The following UNC13C variants were observed in gnomAD, a reference collection of about 807,000 sequenced individuals.
UNC13C encodes unc-13 homolog C, also known as protein unc-13 homolog C.
A neutral mutation model predicts 245.4 loss-of-function variants in UNC13C; 174 were observed. That is an observed-to-expected ratio of 0.71 (90% confidence interval 0.63 to 0.80). The LOEUF (loss-of-function observed/expected upper bound fraction) is 0.80, where lower values mean the gene tolerates loss of function less well. Among genes scored for constraint, UNC13C ranks in the 30% least tolerant of loss-of-function variants. The pLI is 0.00. For synonymous variants in UNC13C, 992 were observed against 895.1 expected (o/e 1.11, Z -1.93); for missense variants, 2,829 against 2,602.9 (o/e 1.09, Z -1.89).
At chr15:53,917,367 C>T in the UNC13C span, among the ~76,000 whole-genome samples, 29,349 of 151,974 alleles carry the variant, frequency 0.19, 2,955 homozygotes, top group Middle Eastern at 0.25. Flanking sequence ...GAAACCTGAA[C>T]AAAGTGAGAA....
At chr15:53,912,603 A>T in the UNC13C span, 1 of 152,092 alleles carries the variant, frequency 6.6e-6, no homozygotes, top group Non-Finnish European at 1.5e-5. Context: ...CTGGGGGTGG[A>T]CATTTTGCAT....
At chr15:54,304,510 A>G (rs1005126255) in intron 13 of UNC13C, among the ~76,000 whole-genome samples, 5 of 151,962 alleles carry the variant, frequency 3.3e-5, no homozygotes, top group African/African-American at 1.2e-4. Context: ...TTCTGCCTCT[A>G]TCGCCCTGAC....
chr15:54,181,354 C>T (rs576448038), intron 4 of UNC13C, among the ~76,000 whole-genome samples: 110 of 152,080 alleles, frequency 7.2e-4, no homozygotes, highest in African/African-American at 2.5e-3. Context: ...TTCCATTGGT[C>T]TATATGTCTG....
intron 18 of UNC13C, 33 bp from the exon 19 acceptor site, chr15:54,414,949 C>T (rs1459900356): frequency 6.4e-7 from 1 of 1,560,780 alleles, no homozygotes; most frequent in Non-Finnish European, 8.7e-7. Flanking sequence ...TGCTTTTCTT[C>T]TTCATACACT....
At chr15:54,038,116 A>ATTTT (rs1315947594) in intron 2 of UNC13C, among the ~76,000 whole-genome samples, 17 of 22,576 alleles carry the variant, frequency 7.5e-4, no homozygotes, top group African/African-American at 9.3e-4. Flanking sequence ...ATATATATAT[A>ATTTT]TATATATATT....
intron 4 of UNC13C, among the ~76,000 whole-genome samples, chr15:54,166,557 G>T (rs1244752447): frequency 6.6e-6 from 1 of 152,066 alleles, no homozygotes; most frequent in African/African-American, 2.4e-5. Context: ...TGGAAAGGAA[G>T]AAACAGAGCT....
At chr15:54,067,178 G>A (rs1213784879) in intron 2 of UNC13C, among the ~76,000 whole-genome samples, 3 of 152,026 alleles carry the variant, frequency 2.0e-5, no homozygotes, top group Admixed American at 6.6e-5. Flanking sequence ...TCCTGAAAGC[G>A]AAGTTGCCTC....
chr15:54,503,932 A>G (rs1163650743), intron 22 of UNC13C, among the ~76,000 whole-genome samples: 2 of 152,136 alleles, frequency 1.3e-5, no homozygotes, highest in African/African-American at 4.8e-5. Context: ...TTGTATCTGT[A>G]GAGATTTAAA....
chr15:54,375,455 A>G (rs2039585273), intron 17 of UNC13C, among the ~76,000 whole-genome samples: 1 of 152,226 alleles, frequency 6.6e-6, no homozygotes, highest in Non-Finnish European at 1.5e-5. Flanking sequence ...TAGCCAACGG[A>G]GTACGGCAAA....
chr15:54,172,114 G>C (rs1449317310), intron 4 of UNC13C, among the ~76,000 whole-genome samples: 1 of 152,088 alleles, frequency 6.6e-6, no homozygotes, highest in Non-Finnish European at 1.5e-5. Context: ...GCTGGGAAGG[G>C]TAGTGGTGGG....
chr15:54,272,374 T>G (rs900033416), intron 10 of UNC13C, among the ~76,000 whole-genome samples: 1 of 151,622 alleles, frequency 6.6e-6, no homozygotes, highest in Non-Finnish European at 1.5e-5. Context: ...TTAAAATATT[T>G]TGATAGCACA....
intron 2 of UNC13C, among the ~76,000 whole-genome samples, chr15:54,109,896 C>T (rs1900678461): frequency 6.6e-6 from 1 of 152,050 alleles, no homozygotes; most frequent in South Asian, 2.1e-4. Flanking sequence ...TGCTTGGTGG[C>T]TATCCCATCT....
chr15:53,993,078 C>T (rs1395737633), intron 1 of UNC13C, among the ~76,000 whole-genome samples: 2 of 152,108 alleles, frequency 1.3e-5, no homozygotes, highest in African/African-American at 4.8e-5. Flanking sequence ...TAACTGAGGA[C>T]ATAGATAAAA....
intron 18 of UNC13C, among the ~76,000 whole-genome samples, chr15:54,411,655 G>C (rs1013310116): frequency 6.6e-6 from 1 of 152,084 alleles, no homozygotes; most frequent in Non-Finnish European, 1.5e-5. Flanking sequence ...ACTCTTGTAA[G>C]AGTAGCCACT....
the UNC13C span, among the ~76,000 whole-genome samples, chr15:53,926,159 T>C: frequency 1.3e-5 from 2 of 152,154 alleles, no homozygotes; most frequent in South Asian, 4.1e-4. Flanking sequence ...TCATAGACAT[T>C]AAAGCAGAGG....
chr15:54,234,636 T>C (rs904805452), intron 4 of UNC13C, among the ~76,000 whole-genome samples: 1 of 152,188 alleles, frequency 6.6e-6, no homozygotes, highest in Admixed American at 6.5e-5. Context: ...ATTTTTATAA[T>C]GAAGGTAATT....
chr15:53,859,907 G>T, the UNC13C span, among the ~76,000 whole-genome samples: 18 of 152,222 alleles, frequency 1.2e-4, no homozygotes, highest in South Asian at 1.9e-3. Flanking sequence ...CTACGGTTTT[G>T]TCTTTCTCTG....
chr15:54,196,345 A>G (rs1038689533), intron 4 of UNC13C, among the ~76,000 whole-genome samples: 1 of 135,922 alleles, frequency 7.4e-6, no homozygotes, highest in Non-Finnish European at 1.6e-5. Flanking sequence ...GCTACTGGAG[A>G]AAAAAAAAAA....
chr15:54,280,872 A>T (rs1195861664), intron 10 of UNC13C, among the ~76,000 whole-genome samples: 1 of 151,518 alleles, frequency 6.6e-6, no homozygotes, highest in Non-Finnish European at 1.5e-5. Context: ...ATCTCTGCTC[A>T]TGGGAACCTC....
Sources: allele counts gnomAD v4.1 joint callset (sites outside exome capture counted in the v4.1 genomes callset), GRCh38; gene constraint gnomAD v4.1.1; transcripts MANE v1.5; gene names NCBI Gene and HGNC (gene_info 2026-07-23, HGNC 2026-07-21).